ATP11A: variants seen among roughly 807,000 people sequenced by gnomAD.
The protein encoded by ATP11A is ATPase phospholipid transporting 11A, also known as phospholipid-transporting ATPase IH.
Under a neutral mutation model 154.4 loss-of-function variants are expected in ATP11A, and 81 were observed. The observed-to-expected ratio is 0.52, with a 90% CI of 0.44 to 0.63. ATP11A has a LOEUF of 0.63. Ranked by LOEUF, ATP11A falls within the 30% of genes least tolerant of loss-of-function variation. The pLI is 0.00. For missense variants in ATP11A, 1,316 were observed against 1,474.3 expected, an observed-to-expected ratio of 0.89 and a Z score of 1.76; for synonymous variants, 623 against 585.9, an observed-to-expected ratio of 1.06 and a Z score of -0.91.
Position 112,770,670 on chromosome 13 carries a change from C to T in ATP11A, c.40-14465C>T, listed in dbSNP as rs1405808914. Among the ~76,000 whole-genome samples the T allele has an allele frequency of 2.0e-5, 3 of 152,216 alleles. No individual in the cohort carries two copies. The East Asian group carries it at 5.8e-4, about 29-fold the overall frequency. The stretch of plus-strand genomic sequence containing the variant: ...GCGGAGGGCCTGTTTGCGTTTATTA[C>T]ACCCGAGCAAGGCCCGCACGCCCAC... On this transcript the variant is annotated intron_variant, in intron 1 of 29. Transcript: ENST00000375645.
intron 1 of ATP11A, among the ~76,000 whole-genome samples, chr13:112,718,688 GAGA>G (rs1888793959): frequency 2.0e-5 from 1 of 48,868 alleles, no homozygotes; most frequent in Non-Finnish European, 5.3e-5. Context: ...TTTTTTTTTT[GAGA>G]CTGAGTTTCA....
In ATP11A at chr13:112,854,388, T is replaced by C; in HGVS notation, c.2101T>C (p.Cys701Arg). Residue 701 changes from cysteine (C) to arginine (R), a missense_variant, in exon 19 of 30, where the codon TGC becomes CGC. Coordinates refer to ENST00000375645, the MANE Select transcript of ATP11A (RefSeq NM_015205.3). ...METAAATCYACKLFRRNTQLL... is the reference protein window; with the variant it reads ...METAAATCYARKLFRRNTQLL... ...GACGGCCGCGGCCACGTGCTACGCC[T>C]GCAAGCTCTTCCGCAGGAACACGCA... is the stretch of plus-strand genomic sequence containing the variant. The C allele has an allele frequency of 6.2e-7, 1 of 1,613,896 alleles. No homozygotes were observed. The highest frequency in any genetic ancestry group is 8.5e-7 in the Non-Finnish European group (1 of 1,180,010).
rs2077609179 is a variant in ATP11A, at chr13:112,785,720, G to C, written c.162+463G>C. On this transcript the variant is annotated intron_variant, in intron 2 of 29. Coordinates refer to ENST00000375645, the MANE Select transcript of ATP11A (RefSeq NM_015205.3). The surrounding 1 kb of genome is among the most constrained non-coding windows in gnomAD (Gnocchi z 4.8). ...GGAAATCTTTGAGCTTGTTCACGAG[G>C]TGCAGCCCAGGTAAAGCGTAGGAAG... Among the ~76,000 whole-genome samples the C allele has an allele frequency of 1.3e-5, 2 of 152,182 alleles. No individual in the cohort carries two copies. Among genetic ancestry groups the C allele is most frequent in the Non-Finnish European group, 2.9e-5 (2 of 68,038 alleles).
At chr13:112,811,161 A>AACACACACACACACACACACACACAC (rs10695491) in intron 5 of ATP11A, among the ~76,000 whole-genome samples, 18 of 115,604 alleles carry the variant, frequency 1.6e-4, no homozygotes, top group East Asian at 5.1e-4. Flanking sequence ...TGCCCCTTCC[A>AACACACACACACACACACACACACAC]ACACACACAC....
At chr13:112,757,581 C>G (rs2076871396) in intron 1 of ATP11A, among the ~76,000 whole-genome samples, 1 of 152,178 alleles carries the variant, frequency 6.6e-6, no homozygotes, top group African/African-American at 2.4e-5. Flanking sequence ...GCAGGAGGTC[C>G]CCTCACGGAG....
chr13:112,819,461 C>G, intron 7 of ATP11A, 54 bp downstream of exon 7: 1 of 1,520,930 alleles, frequency 6.6e-7, no homozygotes. Context: ...CTCAACATTG[C>G]TCTTGCTTTT....
At chr13:112,858,939 C>T (rs2140353098) in intron 22 of ATP11A, 1 of 228,904 alleles carries the variant, frequency 4.4e-6, no homozygotes, top group African/African-American at 2.3e-5. Context: ...TCCGCAGACT[C>T]TGCATCCCCC....
chr13:112,696,634 G>C lies in ATP11A; in HGVS notation c.39+6179G>C, dbSNP rs932491454. On this transcript the variant is annotated intron_variant, in intron 1 of 29. Coordinates refer to ENST00000375645, the MANE Select transcript of ATP11A (RefSeq NM_015205.3). The surrounding 1 kb of genome is among the most constrained non-coding windows in gnomAD (Gnocchi z 6.2). ...TACCGTTTTTCTTAGGTTACCCCGC[G>C]TAGCTGGCCCGTCCTTCCTTCTCCT... Among the ~76,000 whole-genome samples the C allele has an allele frequency of 6.6e-6, 1 of 152,116 alleles. No homozygotes were observed. The highest frequency in any genetic ancestry group is 1.5e-5 in the Non-Finnish European group (1 of 68,016).
intron 29 of ATP11A, 28 bp downstream of exon 29, chr13:112,878,331 T>G: frequency 1.9e-6 from 3 of 1,609,392 alleles, no homozygotes; most frequent in Non-Finnish European, 2.5e-6. Flanking sequence ...TCCACGCACC[T>G]GGGATGGTAG....
chr13:112,825,626 C>T (rs903498561), intron 11 of ATP11A, 46 bp downstream of exon 11: 2 of 1,535,084 alleles, frequency 1.3e-6, no homozygotes, highest in Non-Finnish European at 1.8e-6. Context: ...GACCTGTGGG[C>T]CATTATTACG....
chr13:112,726,808 T>C (rs1889935340), intron 1 of ATP11A, among the ~76,000 whole-genome samples: 1 of 152,122 alleles, frequency 6.6e-6, no homozygotes, highest in East Asian at 1.9e-4. Context: ...AAGTGTGCCA[T>C]GAGAAAGGTA....
In ATP11A at chr13:112,854,354, C is replaced by T. The variant is rs772441380; in HGVS notation, c.2067C>T (p.Asp689=). 6.8e-6 allele frequency: 11 copies of T among 1,614,144 alleles called. No individual in the cohort carries two copies. The East Asian group carries it at 2.2e-4, about 33-fold the overall frequency. ...TCAAAGTCTGGGTTCTCACGGGAGACAAGATGGAGACGGCCGCGGCCACGT... is the reference window on the plus strand; with the variant it reads ...TCAAAGTCTGGGTTCTCACGGGAGATAAGATGGAGACGGCCGCGGCCACGT... ...AGIKVWVLTG[D]KMETAAATCY... Residue 689 remains aspartate, a synonymous_variant, in exon 19 of 30, where the codon GAC becomes GAT. Transcript: ENST00000375645.
At chr13:112,693,538 G>A (rs1017422562) in intron 1 of ATP11A, among the ~76,000 whole-genome samples, 7 of 152,006 alleles carry the variant, frequency 4.6e-5, no homozygotes, top group African/African-American at 1.5e-4. Flanking sequence ...ATGGGGTAGC[G>A]TGTGTGCCGT....
In ATP11A at chr13:112,840,144, GCCTC is replaced by G. The variant is rs1458773324; in HGVS notation, c.1706-2131_1706-2128del. Among the ~76,000 whole-genome samples, 151 of 113,082 alleles carry G rather than the reference GCCTC, an allele frequency of 1.3e-3. 3 individuals are homozygous for G. The highest frequency in any genetic ancestry group is 4.7e-3 in the African/African-American group (145 of 30,592). The allele number at this position is 113,082 out of a possible 152,430, so 74.2% of individuals were successfully genotyped here. A position where few individuals can be genotyped will look rare whatever the true frequency, so the allele number is the denominator to read the frequency against. ...CCTCCCCACTCTCCCGTGCCCTCCA[GCCTC>G]AGCCTCCCCACTCTCCCATCCCCCC... On this transcript the variant is annotated intron_variant, in intron 16 of 29. Coordinates refer to ENST00000375645, the MANE Select transcript of ATP11A (RefSeq NM_015205.3).
At chr13:112,803,445 C>G (rs1156621578) in intron 2 of ATP11A, among the ~76,000 whole-genome samples, 2 of 152,208 alleles carry the variant, frequency 1.3e-5, no homozygotes, top group Non-Finnish European at 2.9e-5. Context: ...GTTGAAGAGA[C>G]ACACAGATGG....
chr13:112,839,834 A>G (rs951619477), intron 16 of ATP11A, among the ~76,000 whole-genome samples: 3 of 152,222 alleles, frequency 2.0e-5, no homozygotes, highest in Non-Finnish European at 4.4e-5. Flanking sequence ...GCCATGAAAC[A>G]TGAATTTTCT....
At chr13:112,730,169 G>A (rs533056562) in intron 1 of ATP11A, among the ~76,000 whole-genome samples, 8 of 152,342 alleles carry the variant, frequency 5.3e-5, no homozygotes, top group African/African-American at 1.7e-4. Flanking sequence ...TGGGGCTGGT[G>A]ACCTGGAAGG....
rs138300090 is a variant in ATP11A, at chr13:112,854,291, A to G, written c.2004A>G (p.Lys668=). The change falls in exon 19 of 30, where the codon AAA becomes AAG. Residue 668 remains lysine, a synonymous_variant. Coordinates refer to ENST00000375645, the MANE Select transcript of ATP11A (RefSeq NM_015205.3). ...TTGCCTCCCTCAGGCTGCAGGAGAA[A>G]GCTGCAGACACCATCGAGGCCCTGC... The part of the protein sequence containing the change: ...ATAVEDRLQE[K]AADTIEALQK... 4.8e-5 allele frequency: 77 copies of G among 1,614,060 alleles called. No individual in the cohort carries two copies. The African/African-American group carries it at 7.7e-4, about 16-fold the overall frequency.
intron 1 of ATP11A, chr13:112,703,468 A>C (rs1334565420): frequency 1.3e-5 from 2 of 152,252 alleles, no homozygotes; most frequent in Admixed American, 1.3e-4. Flanking sequence ...GGCACTATTT[A>C]GATGGCGAAT....
Sources: gnomAD v4.1 joint callset for allele counts (sites outside exome capture counted in the v4.1 genomes callset) on GRCh38, gnomAD v4.1.1 for gene constraint, Gnocchi (gnomAD v3.1) non-coding constraint, MANE v1.5 for transcripts, NCBI Gene and HGNC (gene_info 2026-07-23, HGNC 2026-07-21) for gene names.